The following SYNCRIP variants were observed in gnomAD, a reference collection of about 807,000 sequenced individuals.
The protein encoded by SYNCRIP is heterogeneous nuclear ribonucleoprotein Q.
Under a neutral mutation model 68.9 loss-of-function variants are expected in SYNCRIP, and 9 were observed. That is an observed-to-expected ratio of 0.13 (90% CI 0.08 to 0.23). The LOEUF (loss-of-function observed/expected upper bound fraction) is 0.23, where lower values mean the gene tolerates loss of function less well. Ranked by LOEUF, SYNCRIP falls within the 10% of genes least tolerant of loss-of-function variation. The pLI is 1.00. For missense variants in SYNCRIP, 414 were observed against 770.6 expected, an observed-to-expected ratio of 0.54 and a Z score of 5.48; for synonymous variants, 258 against 254.0, an observed-to-expected ratio of 1.02 and a Z score of -0.15.
downstream of SYNCRIP, chr6:85,612,203 C>T (rs929187032): frequency 4.6e-5 from 7 of 152,104 alleles, no homozygotes; most frequent in African/African-American, 1.7e-4. Flanking sequence ...ACAAGCCTTG[C>T]TTTTATCTAC....
intron 6 of SYNCRIP, among the ~76,000 whole-genome samples, chr6:85,625,038 A>T (rs1806878564): frequency 6.6e-6 from 1 of 152,208 alleles, no homozygotes; most frequent in South Asian, 2.1e-4. Flanking sequence ...AGCAAAAGAA[A>T]CCATTCTTCT....
chr6:85,610,196 G>A (rs546034658), downstream of SYNCRIP: 21 of 151,978 alleles, frequency 1.4e-4, no homozygotes, highest in African/African-American at 4.3e-4. Context: ...TTCTCAGAAC[G>A]TTAATTGTTC....
At chr6:85,642,607 C>A (rs1809338957) in intron 1 of SYNCRIP, among the ~76,000 whole-genome samples, 190 bp downstream of exon 1, 1 of 152,244 alleles carries the variant, frequency 6.6e-6, no homozygotes, top group African/African-American at 2.4e-5. Flanking sequence ...CGAACCGCAG[C>A]AGCACATGGA....
At chr6:85,633,547 C>T (rs1030149587) in intron 6 of SYNCRIP, among the ~76,000 whole-genome samples, 5 of 152,196 alleles carry the variant, frequency 3.3e-5, no homozygotes, top group African/African-American at 1.2e-4. Context: ...GTTGAGATCA[C>T]ACCACTGCAC....
chr6:85,622,350 C>G, intron 8 of SYNCRIP, 132 bp downstream of exon 8: 3 of 874,944 alleles, frequency 3.4e-6, no homozygotes, highest in Non-Finnish European at 5.2e-6. Context: ...GCCTGGGAAA[C>G]ATGGGAAACA....
intron 6 of SYNCRIP, among the ~76,000 whole-genome samples, chr6:85,627,201 G>A (rs1336169829): frequency 6.6e-6 from 1 of 151,462 alleles, no homozygotes; most frequent in Non-Finnish European, 1.5e-5. Flanking sequence ...CTGGGCGGCA[G>A]GGGTTGCAGT....
chr6:85,642,387 C>A (rs904208250), intron 1 of SYNCRIP, among the ~76,000 whole-genome samples: 1 of 152,178 alleles, frequency 6.6e-6, no homozygotes, highest in African/African-American at 2.4e-5. Context: ...AACCCAGCAG[C>A]GTGAGGGCGT....
Position 85,632,260 on chromosome 6 carries a change from T to A in SYNCRIP, c.666+4707A>T, listed in dbSNP as rs183587746. ...CAACCTAAGGTATTCCTCCAGACAC[T>A]CAAAAGAGAAACAGAGGTGCTTCAA... is the stretch of plus-strand genomic sequence containing the variant. On this transcript the variant is annotated intron_variant, in intron 6 of 10. Coordinates refer to ENST00000369622, the MANE Select transcript of SYNCRIP (RefSeq NM_006372.5). Among the ~76,000 whole-genome samples, 16 of 152,250 alleles carry A rather than the reference T, an allele frequency of 1.1e-4. No homozygotes were observed. In the East Asian group the frequency reaches 3.1e-3, roughly 29 times the overall value.
intron 10 of SYNCRIP, among the ~76,000 whole-genome samples, chr6:85,615,733 C>G: frequency 6.6e-6 from 1 of 152,174 alleles, no homozygotes; most frequent in South Asian, 2.1e-4. Context: ...TCGCTTGAAC[C>G]CAGGTGGCGG....
intron 6 of SYNCRIP, among the ~76,000 whole-genome samples, chr6:85,635,057 C>A (rs1227021632): frequency 6.6e-6 from 1 of 152,066 alleles, no homozygotes; most frequent in Non-Finnish European, 1.5e-5. Context: ...CCCAGCTACT[C>A]GGGTGGCTGA....
At chr6:85,619,028 G>A in intron 9 of SYNCRIP, 89 bp from the exon 10 acceptor site, 2 of 1,375,162 alleles carry the variant, frequency 1.5e-6, no homozygotes, top group Non-Finnish European at 2.0e-6. Flanking sequence ...TCATTAATGT[G>A]GGAAGGACAA....
chr6:85,633,496 C>G (rs892181179), intron 6 of SYNCRIP, among the ~76,000 whole-genome samples: 21 of 151,940 alleles, frequency 1.4e-4, no homozygotes, highest in African/African-American at 4.8e-4. Flanking sequence ...GGGGCTGAAA[C>G]AGAAGAATCA....
Position 85,640,562 on chromosome 6 carries a change from G to A in SYNCRIP, c.151C>T (p.Leu51=). 6.5e-7 allele frequency: 1 copy of A among 1,550,300 alleles called. No individual in the cohort carries two copies. The highest frequency in any genetic ancestry group is 1.2e-5 in the South Asian group (1 of 82,520). Residue 51 remains leucine (L), a splice_region_variant and synonymous_variant, in exon 3 of 11, where the codon CTA becomes TTA. Transcript: ENST00000369622. ...EKLDEIYVAG[L]VAHSDLDERA... ...TCATCTAAATCACTATGTGCAACTAGCCCTGAAAAAAATAAAAGTTATCAG... is the reference window on the plus strand; with the variant it reads ...TCATCTAAATCACTATGTGCAACTAACCCTGAAAAAAATAAAAGTTATCAG...
intron 6 of SYNCRIP, 67 bp downstream of exon 6, chr6:85,636,900 C>G: frequency 4.0e-6 from 6 of 1,482,912 alleles, no homozygotes; most frequent in Non-Finnish European, 4.5e-6. Flanking sequence ...CTTAGGCACA[C>G]TAAGAAAAAA....
In SYNCRIP at chr6:85,641,161, C is replaced by T. The variant is rs3812136; in HGVS notation, c.148+131G>A. ...AACCTCTACTTCAAACTTAAATTAACCAACTATCACAACAAGCAAAACTCC... is the reference window on the plus strand; with the variant it reads ...AACCTCTACTTCAAACTTAAATTAATCAACTATCACAACAAGCAAAACTCC... On this transcript the variant is annotated intron_variant, in intron 2 of 10. Transcript: ENST00000369622. 41 of 691,460 alleles carry T rather than the reference C, an allele frequency of 5.9e-5. No homozygotes were observed. In the East Asian group the frequency reaches 1.1e-3, roughly 18 times the overall value. 42.8% of individuals were successfully genotyped at this position (691,460 alleles called of 1,614,324 possible).
rs190073556 is a variant in SYNCRIP, at chr6:85,624,138, T to C, written c.667-26A>G. ...CTGAAAGGGGAAAAAGTGCATCATGTTTTTAAATTACTTATACAACTAGAA... is the reference window on the plus strand; with the variant it reads ...CTGAAAGGGGAAAAAGTGCATCATGCTTTTAAATTACTTATACAACTAGAA... On this transcript the variant is annotated intron_variant, in intron 6 of 10. Coordinates refer to ENST00000369622, the MANE Select transcript of SYNCRIP (RefSeq NM_006372.5). The C allele has an allele frequency of 1.0e-4, 164 of 1,601,074 alleles. No individual in the cohort carries two copies. In the East Asian group the frequency reaches 2.5e-3, roughly 24 times the overall value.
At position 85,614,526 on chromosome 6, in the gene SYNCRIP, CTATT is replaced by C; in HGVS notation, c.*226_*229del. 8.1e-7 allele frequency: 1 copy of C among 1,237,388 alleles called. No individual in the cohort carries two copies. The allele number at this position is 1,237,388 out of a possible 1,614,324, so 76.7% of individuals were successfully genotyped here. A position where few individuals can be genotyped will look rare whatever the true frequency, so the allele number is the denominator to read the frequency against. On this transcript the variant is annotated 3_prime_UTR_variant, in exon 11 of 11. Transcript: ENST00000369622. Reference sequence around the variant, plus strand: ...TCAAGCACAAATGCAAACTCATTAACTATTTCTTTCAGTATCTAAGAATATCTTT... The same window carrying C: ...TCAAGCACAAATGCAAACTCATTAACTCTTTCAGTATCTAAGAATATCTTT...
At chr6:85,632,212 A>G (rs966791855) in intron 6 of SYNCRIP, among the ~76,000 whole-genome samples, 3 of 152,246 alleles carry the variant, frequency 2.0e-5, no homozygotes, top group Non-Finnish European at 4.4e-5. Flanking sequence ...TTAAAAGACA[A>G]TGCCAAATAC....
intron 8 of SYNCRIP, among the ~76,000 whole-genome samples, chr6:85,620,298 A>C (rs1806242060): frequency 1.3e-5 from 2 of 152,252 alleles, no homozygotes; most frequent in South Asian, 2.1e-4. Flanking sequence ...GATGTTCTTC[A>C]ATGGGAGAAT....
Sources: allele counts gnomAD v4.1 joint callset (sites outside exome capture counted in the v4.1 genomes callset), GRCh38; gene constraint gnomAD v4.1.1; transcripts MANE v1.5; gene names NCBI Gene and HGNC (gene_info 2026-07-23, HGNC 2026-07-21).